RAB6A: variants seen among roughly 807,000 people sequenced by gnomAD.
RAB6A encodes the protein ras-related protein Rab-6A.
A neutral mutation model predicts 32.3 loss-of-function variants in RAB6A; 8 were observed. That is an observed-to-expected ratio of 0.25 (90% confidence interval 0.15 to 0.45). The LOEUF is 0.45. RAB6A is among the 20% of genes least tolerant of loss of function. RAB6A has a pLI of 1.00. For synonymous variants in RAB6A, 73 were observed against 82.1 expected, an observed-to-expected ratio of 0.89 and a Z score of 0.60; for missense variants, 104 against 249.4, an observed-to-expected ratio of 0.42 and a Z score of 3.93.
intron 1 of RAB6A, among the ~76,000 whole-genome samples, chr11:73,751,052 G>A (rs932926473): frequency 2.0e-5 from 3 of 151,918 alleles, no homozygotes; most frequent in Non-Finnish European, 2.9e-5. Flanking sequence ...CAATCCTCCC[G>A]CCTTAGTGTC....
Position 73,677,690 on chromosome 11 carries a change from T to C in RAB6A, c.*208A>G. 7.4e-7 allele frequency: 1 copy of C among 1,355,440 alleles called. No homozygotes were observed. The highest frequency in any genetic ancestry group is 1.7e-5 in the South Asian group (1 of 59,278). The allele number at this position is 1,355,440 out of a possible 1,614,324, so 84.0% of individuals were successfully genotyped here. ...GGAATATGCTGAAATATTTTGGCTT[T>C]TTGTAAAATATAAATAATGAAGACA... On this transcript the variant is annotated 3_prime_UTR_variant, in exon 8 of 8. Coordinates refer to ENST00000336083, the MANE Select transcript of RAB6A (RefSeq NM_198896.2).
In RAB6A at chr11:73,722,086, A is replaced by G. The variant is rs1435382104; in HGVS notation, c.130-1187T>C. On this transcript the variant is annotated intron_variant, in intron 2 of 7. Coordinates refer to ENST00000336083, the MANE Select transcript of RAB6A (RefSeq NM_198896.2). Reference sequence around the variant, plus strand: ...TAAGTTTCCTGAGGCCTCCCCAGCCATGTGGAACTTGAGTCTATTAAACCT... The same window carrying G: ...TAAGTTTCCTGAGGCCTCCCCAGCCGTGTGGAACTTGAGTCTATTAAACCT... Among the ~76,000 whole-genome samples the G allele has an allele frequency of 3.3e-5, 5 of 150,462 alleles. No individual in the cohort carries two copies. In the Admixed American group the frequency reaches 3.4e-4, roughly 10 times the overall value.
intron 3 of RAB6A, 108 bp from the exon 4 acceptor site, chr11:73,718,826 A>G (rs765709332): frequency 6.3e-7 from 1 of 1,591,086 alleles, no homozygotes; most frequent in Non-Finnish European, 8.6e-7. Flanking sequence ...AGAATCACGG[A>G]TGTAACTGGG....
At chr11:73,709,024 A>C (rs1199152256) in intron 5 of RAB6A, among the ~76,000 whole-genome samples, 1 of 152,158 alleles carries the variant, frequency 6.6e-6, no homozygotes, top group Admixed American at 6.6e-5. Flanking sequence ...TGTGTATATA[A>C]ATTTTCTGAA....
At chr11:73,679,827 C>G in intron 6 of RAB6A, 107 bp from the exon 7 acceptor site, 1 of 1,441,040 alleles carries the variant, frequency 6.9e-7, no homozygotes, top group Non-Finnish European at 9.7e-7. Flanking sequence ...CGCAGTGGCT[C>G]ACACCTGTAA....
rs71479539 is a variant in RAB6A at position 73,726,513 on chromosome 11, C to T, written c.129+4252G>A. Among the ~76,000 whole-genome samples the T allele has an allele frequency of 4.1e-3, 545 of 134,432 alleles. 5 individuals carry two copies. The highest frequency in any genetic ancestry group is 0.014 in the African/African-American group (513 of 35,628). The allele number at this position is 134,432 out of a possible 152,430, so 88.2% of individuals were successfully genotyped here. Reference sequence around the variant, plus strand: ...AGGAGAATGGCGTGAACCTGGGAGGCGGAGCTTGCAGTGAGCCGAGATTGT... The same window carrying T: ...AGGAGAATGGCGTGAACCTGGGAGGTGGAGCTTGCAGTGAGCCGAGATTGT... On this transcript the variant is annotated intron_variant, in intron 2 of 7. Coordinates refer to ENST00000336083, the MANE Select transcript of RAB6A (RefSeq NM_198896.2).
chr11:73,760,001 A>C, intron 1 of RAB6A: 1 of 1,282,884 alleles, frequency 7.8e-7, no homozygotes, highest in Non-Finnish European at 1.0e-6. Context: ...CTAATTTCCC[A>C]CCCAGGTGAA....
chr11:73,712,285 T>C (rs1359598102), intron 5 of RAB6A, among the ~76,000 whole-genome samples: 2 of 152,202 alleles, frequency 1.3e-5, no homozygotes, highest in Non-Finnish European at 2.9e-5. Flanking sequence ...ACATAGTTCA[T>C]TTTCCCCAGT....
chr11:73,760,079 G>A, intron 1 of RAB6A: 8 of 1,290,162 alleles, frequency 6.2e-6, no homozygotes, highest in Non-Finnish European at 7.1e-6. Context: ...GCAGGGCCAA[G>A]CCTCTGGGGA....
intron 1 of RAB6A, among the ~76,000 whole-genome samples, chr11:73,755,045 C>G (rs66626689): frequency 0.1 from 15,694 of 151,142 alleles, 895 homozygotes; most frequent in South Asian, 0.27. Context: ...GCCTCAGCCT[C>G]CTGAGTAGCT....
intron 6 of RAB6A, among the ~76,000 whole-genome samples, chr11:73,680,842 G>A (rs1320868885): frequency 1.3e-5 from 2 of 152,150 alleles, no homozygotes; most frequent in African/African-American, 4.8e-5. Flanking sequence ...GGAGTGGCTG[G>A]CTTGTGTTTG....
At chr11:73,724,761 C>G (rs986083234) in intron 2 of RAB6A, among the ~76,000 whole-genome samples, 3 of 152,208 alleles carry the variant, frequency 2.0e-5, no homozygotes, top group African/African-American at 7.2e-5. Context: ...GCTGGGATTA[C>G]AGGCGTGAGC....
intron 6 of RAB6A, among the ~76,000 whole-genome samples, chr11:73,683,563 A>AT (rs1565344381): frequency 2.8e-5 from 4 of 144,902 alleles, no homozygotes; most frequent in Non-Finnish European, 4.5e-5. Flanking sequence ...TGGTGGCACT[A>AT]TTTTTTTTAG....
intron 6 of RAB6A, among the ~76,000 whole-genome samples, chr11:73,698,979 G>A (rs1945698822): frequency 6.6e-6 from 1 of 150,432 alleles, no homozygotes; most frequent in South Asian, 2.1e-4. Context: ...AGCCTTCCCA[G>A]TAGCTGGGAT....
chr11:73,691,394 C>T (rs1945560627), intron 6 of RAB6A, among the ~76,000 whole-genome samples: 1 of 152,190 alleles, frequency 6.6e-6, no homozygotes, highest in African/African-American at 2.4e-5. Flanking sequence ...TGGTCTCAAA[C>T]TCCTGGCCTC....
At chr11:73,722,305 G>GTATA (rs1204770272) in intron 2 of RAB6A, 6 of 42,350 alleles carry the variant, frequency 1.4e-4, no homozygotes, top group African/African-American at 4.9e-4. Context: ...ATGTGTGTGT[G>GTATA]TATATATATA....
At chr11:73,703,526 A>G (rs960022763) in intron 6 of RAB6A, among the ~76,000 whole-genome samples, 18 of 151,692 alleles carry the variant, frequency 1.2e-4, no homozygotes, top group African/African-American at 3.9e-4. Flanking sequence ...CGTATCACCT[A>G]AGGCCAGGAG....
chr11:73,696,327 A>G (rs1390957909), intron 6 of RAB6A, among the ~76,000 whole-genome samples: 1 of 151,978 alleles, frequency 6.6e-6, no homozygotes, highest in East Asian at 1.9e-4. Flanking sequence ...CCTCCTGAGT[A>G]GCTGAGATTA....
chr11:73,715,435 T>C lies in RAB6A; in HGVS notation c.401+816A>G, dbSNP rs185309779. Among the ~76,000 whole-genome samples, 7 of 152,328 alleles carry C rather than the reference T, an allele frequency of 4.6e-5. No individual in the cohort carries two copies. In the East Asian group the frequency reaches 7.7e-4, roughly 17 times the overall value. On this transcript the variant is annotated intron_variant, in intron 5 of 7. Transcript: ENST00000336083. ...CACCGCACCCGGCCTGTACTACCAA[T>C]TCTAACTGAGGTGCCATGTGCAGAA... is the stretch of plus-strand genomic sequence containing the variant.
Sources: gnomAD v4.1 joint callset for allele counts (sites outside exome capture counted in the v4.1 genomes callset) on GRCh38, gnomAD v4.1.1 for gene constraint, MANE v1.5 for transcripts, NCBI Gene and HGNC (gene_info 2026-07-23, HGNC 2026-07-21) for gene names.